Variants in PHIP observed in about 807,000 individuals in gnomAD.
PHIP encodes PH-interacting protein.
Under a neutral mutation model 236.8 loss-of-function variants are expected in PHIP, and 54 were observed. That is an observed-to-expected ratio of 0.23 (90% CI 0.18 to 0.29). The LOEUF is 0.29. PHIP is among the 10% of genes least tolerant of loss of function. PHIP has a pLI of 1.00. For synonymous variants in PHIP, 756 were observed against 718.9 expected, an observed-to-expected ratio of 1.05 and a Z score of -0.83; for missense variants, 1,370 against 2,190.8, an observed-to-expected ratio of 0.63 and a Z score of 7.48.
chr6:78,946,674 A>T, intron 37 of PHIP, 37 bp downstream of exon 37: 1 of 1,504,094 alleles, frequency 6.6e-7, no homozygotes, highest in South Asian at 1.3e-5. Context: ...GATGAAAGTT[A>T]TAGATCAGCT....
intron 4 of PHIP, among the ~76,000 whole-genome samples, chr6:79,061,577 T>C (rs1773381585): frequency 6.6e-6 from 1 of 152,082 alleles, no homozygotes; most frequent in Non-Finnish European, 1.5e-5. Flanking sequence ...CAAATTTGTT[T>C]TGTTTGGGAA....
At chr6:79,047,851 C>A (rs1772579975) in intron 6 of PHIP, among the ~76,000 whole-genome samples, 1 of 152,050 alleles carries the variant, frequency 6.6e-6, no homozygotes, top group Non-Finnish European at 1.5e-5. Context: ...ACTCTTTAAT[C>A]CATCTACAAT....
At chr6:79,072,330 A>C (rs984366457) in intron 4 of PHIP, among the ~76,000 whole-genome samples, 1 of 152,262 alleles carries the variant, frequency 6.6e-6, no homozygotes, top group East Asian at 1.9e-4. Flanking sequence ...CCATAAAAAC[A>C]AGTCACAGTA....
At position 78,970,074 on chromosome 6, in the gene PHIP, G is replaced by C. The variant is rs771966895; in HGVS notation, c.3097C>G (p.Leu1033Val). The change falls in exon 26 of 40, where the codon CTG becomes GTG. Residue 1033 changes from leucine to valine, a missense_variant. Around this residue, in one of 14 missense-constraint regions of PHIP, gnomAD observed 238 missense variants for 398.5 expected, o/e 0.60. Transcript: ENST00000275034. ...LAFLDPDTGK[L>V]TGGSFTMKYH... ...TTCATGGTAAATGATCCGCCAGTCAGTTTACCAGTATCAGGATCTAGAAAA... is the reference window on the plus strand; with the variant it reads ...TTCATGGTAAATGATCCGCCAGTCACTTTACCAGTATCAGGATCTAGAAAA... The C allele has an allele frequency of 1.9e-6, 3 of 1,613,514 alleles. No individual in the cohort carries two copies. Among genetic ancestry groups the C allele is most frequent in the Non-Finnish European group, 1.7e-6 (2 of 1,179,594 alleles).
rs528882994 is a variant in PHIP at position 78,940,972 on chromosome 6, G to A, written c.5187C>T (p.Leu1729=). ...KMKTQKLDAD[L]LVPASVKVLR... ...ACACTTTGACACTTGCAGGGACTAG[G>A]AGATCTGCATCTAATTTTTGTGTCT... The change falls in exon 40 of 40, where the codon CTC becomes CTT. Residue 1729 remains leucine, a synonymous_variant. Transcript: ENST00000275034. 1 of 1,613,760 alleles carries A rather than the reference G, an allele frequency of 6.2e-7. No individual in the cohort carries two copies. Among genetic ancestry groups the A allele is most frequent in the Admixed American group, 1.7e-5 (1 of 60,006 alleles).
At chr6:78,977,960 A>C (rs1469632880) in intron 24 of PHIP, among the ~76,000 whole-genome samples, 1 of 152,144 alleles carries the variant, frequency 6.6e-6, no homozygotes, top group Non-Finnish European at 1.5e-5. Context: ...ATTTATGGTC[A>C]ATCTGTTGGA....
chr6:79,024,018 C>T (rs1405822999), intron 9 of PHIP, among the ~76,000 whole-genome samples: 1 of 152,184 alleles, frequency 6.6e-6, no homozygotes, highest in East Asian at 1.9e-4. Context: ...AATATTTCAA[C>T]TTTTATCTAT....
chr6:78,994,786 TCAACATCGAGG>T (rs1375093745), intron 19 of PHIP, among the ~76,000 whole-genome samples: 7 of 152,300 alleles, frequency 4.6e-5, no homozygotes, highest in Admixed American at 1.3e-4. Context: ...CCAGCAGCCA[TCAACATCGAGG>T]CAAGACCCTT....
intron 27 of PHIP, among the ~76,000 whole-genome samples, chr6:78,966,800 T>C (rs1380805198): frequency 6.6e-6 from 1 of 152,258 alleles, no homozygotes; most frequent in Non-Finnish European, 1.5e-5. Context: ...CTTTATGCAA[T>C]GTTTTCCTGT....
At chr6:79,077,366 G>A in intron 4 of PHIP, 82 bp downstream of exon 4, 1 of 1,291,194 alleles carries the variant, frequency 7.7e-7, no homozygotes, top group Non-Finnish European at 1.1e-6. Context: ...CCAAGTTTTT[G>A]TCTCTGTAAA....
At chr6:78,941,790 T>TTA (rs146009887) in intron 39 of PHIP, among the ~76,000 whole-genome samples, 157 of 151,832 alleles carry the variant, frequency 1.0e-3, no homozygotes, top group African/African-American at 2.6e-3. Flanking sequence ...GAAATACTGA[T>TTA]TATATATATA....
intron 6 of PHIP, among the ~76,000 whole-genome samples, chr6:79,054,164 GT>G (rs1416380887): frequency 6.6e-6 from 1 of 150,964 alleles, no homozygotes; most frequent in East Asian, 1.9e-4. Flanking sequence ...CAGCTAACCT[GT>G]TTTTAAGAGG....
chr6:78,980,795 G>A (rs1394127850), intron 23 of PHIP, among the ~76,000 whole-genome samples: 2 of 151,984 alleles, frequency 1.3e-5, no homozygotes, highest in Non-Finnish European at 2.9e-5. Context: ...TTTGAAAAAG[G>A]TTTCCTTTGA....
At chr6:78,957,078 G>A (rs1766467996) in intron 32 of PHIP, 1 of 151,926 alleles carries the variant, frequency 6.6e-6, no homozygotes, top group Non-Finnish European at 1.5e-5. Flanking sequence ...AAAATGCCAT[G>A]GATTTATTTT....
intron 7 of PHIP, among the ~76,000 whole-genome samples, chr6:79,040,447 C>A (rs1344422839): frequency 1.3e-5 from 2 of 151,992 alleles, no homozygotes; most frequent in East Asian, 3.8e-4. Context: ...TCTTAAAATA[C>A]CAATTATATA....
At position 78,992,035 on chromosome 6, in the gene PHIP, C is replaced by A. The variant is rs112587055; in HGVS notation, c.2202-1050G>T. 4.9e-3 allele frequency among the ~76,000 whole-genome samples: 732 copies of A among 149,920 alleles called. 22 individuals are homozygous for A. The highest frequency in any genetic ancestry group is 0.041 in the Admixed American group (611 of 15,016). On this transcript the variant is annotated intron_variant, in intron 19 of 39. Coordinates refer to ENST00000275034, the MANE Select transcript of PHIP (RefSeq NM_017934.7). ...GGAGTGCAGTGGCATGATCTCGGCT[C>A]ACTGCAGGCTCTGCCCCCCGGGGTT...
intron 24 of PHIP, among the ~76,000 whole-genome samples, chr6:78,972,292 C>T (rs561231188): frequency 0.023 from 3,566 of 152,216 alleles, 45 homozygotes; most frequent in Non-Finnish European, 0.034. Context: ...CTGCAGGGTA[C>T]TCCAACAGAC....
At position 79,015,680 on chromosome 6, in the gene PHIP, T is replaced by C. The variant is rs1422482749; in HGVS notation, c.1339A>G (p.Thr447Ala). 5 of 1,608,776 alleles carry C rather than the reference T, an allele frequency of 3.1e-6. No individual in the cohort carries two copies. Among genetic ancestry groups the C allele is most frequent in the Non-Finnish European group, 3.4e-6 (4 of 1,175,944 alleles). ...GTGTAAGAATTCCAAACTTTCAGAG[T>C]CATGTTATTAACTGCAGTTATAACT... ...NTVITAVNNM[T>A]LKVWNSYTGQ... The change falls in exon 14 of 40, where the codon ACT (threonine) becomes GCT (alanine). Residue 447 changes from threonine (T) to alanine (A), a missense_variant. By Grantham distance (58) the Thr-to-Ala change is moderately conservative. Around this residue, in one of 14 missense-constraint regions of PHIP, gnomAD observed 188 missense variants for 354.3 expected, o/e 0.53. Transcript: ENST00000275034.
intron 6 of PHIP, among the ~76,000 whole-genome samples, chr6:79,054,001 GCCC>G (rs965744827): frequency 1.2e-4 from 18 of 151,666 alleles, no homozygotes; most frequent in African/African-American, 4.4e-4. Flanking sequence ...TCAAAGTTTT[GCCC>G]CCTTTTTTTT....
Sources: allele counts gnomAD v4.1 joint callset (sites outside exome capture counted in the v4.1 genomes callset), GRCh38; gene constraint gnomAD v4.1.1; regional missense constraint gnomAD v4.1.1; transcripts MANE v1.5; gene names NCBI Gene and HGNC (gene_info 2026-07-23, HGNC 2026-07-21).